The following CFAP69 variants were observed in gnomAD, a reference collection of about 807,000 sequenced individuals.
CFAP69 encodes the protein cilia and flagella associated protein 69.
Under a neutral mutation model 123.0 loss-of-function variants are expected in CFAP69, and 92 were observed. That is an observed-to-expected ratio of 0.75 (90% CI 0.63 to 0.89). CFAP69 has a LOEUF of 0.89. CFAP69 is among the 40% of genes least tolerant of loss of function. CFAP69 has a pLI of 0.00. For missense variants in CFAP69, 1,067 were observed against 1,096.9 expected (o/e 0.97, Z 0.39); for synonymous variants, 380 against 364.3 (o/e 1.04, Z -0.49).
chr7:90,255,025 A>C (rs1797470966), intron 1 of CFAP69, among the ~76,000 whole-genome samples: 1 of 152,194 alleles, frequency 6.6e-6, no homozygotes, highest in Non-Finnish European at 1.5e-5. Flanking sequence ...AGATAAGGGG[A>C]TACCTAGTTG....
chr7:90,256,657 A>T (rs1422686976), intron 2 of CFAP69, among the ~76,000 whole-genome samples: 1 of 152,186 alleles, frequency 6.6e-6, no homozygotes, highest in Non-Finnish European at 1.5e-5. Flanking sequence ...GCTTTTTTAC[A>T]TATAAAGGAG....
At chr7:90,267,507 A>G (rs1410190078) in intron 5 of CFAP69, among the ~76,000 whole-genome samples, 1 of 152,204 alleles carries the variant, frequency 6.6e-6, no homozygotes, top group Admixed American at 6.5e-5. Flanking sequence ...ATAGGACTTC[A>G]ACAGAGTAGA....
At chr7:90,314,514 A>G (rs1056477858), downstream of CFAP69, among the ~76,000 whole-genome samples, 2 of 151,842 alleles carry the variant, frequency 1.3e-5, no homozygotes, top group Non-Finnish European at 2.9e-5. Context: ...CCGTAGTTCC[A>G]GCTATTTGGG....
rs555666031 is a variant in CFAP69 at position 90,307,672 on chromosome 7, C to T, written c.2464-96C>T. 430 of 669,898 alleles carry T rather than the reference C, an allele frequency of 6.4e-4. 1 individual carries two copies. The highest frequency in any genetic ancestry group is 1.0e-3 in the Middle Eastern group (3 of 2,960). 41.5% of individuals were successfully genotyped at this position (669,898 alleles called of 1,614,324 possible). A position where few individuals can be genotyped will look rare whatever the true frequency, so the allele number is the denominator to read the frequency against. On this transcript the variant is annotated intron_variant, in intron 20 of 22. Transcript: ENST00000389297. ...AAGGCAGAGAGATACTTGAGACATG[C>T]CACTGGACTCCAGCCTGGGTGACAG...
At chr7:90,288,824 A>C (rs981760826) in intron 15 of CFAP69, among the ~76,000 whole-genome samples, 1 of 152,044 alleles carries the variant, frequency 6.6e-6, no homozygotes, top group African/African-American at 2.4e-5. Flanking sequence ...TTTAGATTAC[A>C]CTAAACTTAC....
chr7:90,307,378 A>G (rs1301672494), intron 20 of CFAP69, among the ~76,000 whole-genome samples: 1 of 152,180 alleles, frequency 6.6e-6, no homozygotes, highest in Non-Finnish European at 1.5e-5. Flanking sequence ...ATGTACAACT[A>G]TTATATATCA....
At chr7:90,250,218 GA>G in intron 1 of CFAP69, among the ~76,000 whole-genome samples, 1 of 150,996 alleles carries the variant, frequency 6.6e-6, no homozygotes, top group East Asian at 2.0e-4. Flanking sequence ...GAGAGAGAGA[GA>G]GAGAGAGAGA....
chr7:90,300,512 G>A, intron 17 of CFAP69: 1 of 700,770 alleles, frequency 1.4e-6, no homozygotes, highest in Non-Finnish European at 1.8e-6. Context: ...TATGAAAGAA[G>A]ATATTGTTTC....
intron 15 of CFAP69, among the ~76,000 whole-genome samples, chr7:90,295,757 AGCCC>A (rs1791848255): frequency 6.6e-6 from 1 of 152,246 alleles, no homozygotes; most frequent in Admixed American, 6.5e-5. Context: ...TAATCAGAGC[AGCCC>A]TAAGGACTGC....
At chr7:90,278,971 A>G (rs79332785) in intron 11 of CFAP69, among the ~76,000 whole-genome samples, 1 of 152,278 alleles carries the variant, frequency 6.6e-6, no homozygotes, top group African/African-American at 2.4e-5. Flanking sequence ...TAAATATAGC[A>G]TATGGTGTTT....
chr7:90,262,922 A>C (rs1457952905), intron 4 of CFAP69, among the ~76,000 whole-genome samples: 1 of 152,158 alleles, frequency 6.6e-6, no homozygotes, highest in Non-Finnish European at 1.5e-5. Flanking sequence ...TAAAATAACC[A>C]AAATAATATA....
chr7:90,286,068 G>A (rs758559198), intron 13 of CFAP69, among the ~76,000 whole-genome samples: 1 of 152,162 alleles, frequency 6.6e-6, no homozygotes, highest in Non-Finnish European at 1.5e-5. Flanking sequence ...TTGCAAGGCC[G>A]AGGCAGGAGG....
intron 9 of CFAP69, among the ~76,000 whole-genome samples, chr7:90,275,590 CTTTTTTTTT>C (rs57578763): frequency 0.021 from 1,284 of 62,064 alleles, 33 homozygotes; most frequent in South Asian, 0.16. Context: ...GGCCAAAAGC[CTTTTTTTTT>C]TTTTTTTTTT....
chr7:90,245,187 C>A lies in CFAP69; in HGVS notation c.-238C>A. ...GCCCCGCCCCCTAGCAACGCGCTGGCTTGTGTTAACAACCGGCCCGGGATC... is the reference window on the plus strand; with the variant it reads ...GCCCCGCCCCCTAGCAACGCGCTGGATTGTGTTAACAACCGGCCCGGGATC... On this transcript the variant is annotated 5_prime_UTR_variant, in exon 1 of 23. Coordinates refer to ENST00000389297, the MANE Select transcript of CFAP69 (RefSeq NM_001039706.3). 1 of 422,558 alleles carries A rather than the reference C, an allele frequency of 2.4e-6. No homozygotes were observed. 26.2% of individuals were successfully genotyped at this position (422,558 alleles called of 1,614,324 possible). A position where few individuals can be genotyped will look rare whatever the true frequency, so the allele number is the denominator to read the frequency against.
At chr7:90,323,684 A>G in the CFAP69 span, among the ~76,000 whole-genome samples, 1 of 152,180 alleles carries the variant, frequency 6.6e-6, no homozygotes, top group Non-Finnish European at 1.5e-5. Context: ...AACAATCATA[A>G]TAATAGTCTG....
chr7:90,251,030 C>A (rs1050592000), intron 1 of CFAP69, among the ~76,000 whole-genome samples: 3 of 152,108 alleles, frequency 2.0e-5, no homozygotes, highest in Non-Finnish European at 4.4e-5. Context: ...AAGTTACAAT[C>A]TACCTCCAAC....
the CFAP69 span, chr7:90,322,597 A>G: frequency 1.3e-5 from 2 of 152,352 alleles, no homozygotes; most frequent in South Asian, 2.1e-4. Flanking sequence ...GAGTAACCAC[A>G]TAGTTCCTGT....
chr7:90,315,120 T>C (rs1584588260), downstream of CFAP69, among the ~76,000 whole-genome samples: 1 of 147,116 alleles, frequency 6.8e-6, no homozygotes, highest in African/African-American at 2.5e-5. Context: ...GCTGGCGAGG[T>C]TGCAGAGAAA....
intron 17 of CFAP69, 183 bp from the exon 18 acceptor site, chr7:90,303,786 G>A: frequency 8.5e-7 from 1 of 1,179,044 alleles, no homozygotes; most frequent in Non-Finnish European, 1.1e-6. Flanking sequence ...TTTTGCCACA[G>A]AGTGGGGAAG....
Sources: allele counts gnomAD v4.1 joint callset (sites outside exome capture counted in the v4.1 genomes callset), GRCh38; gene constraint gnomAD v4.1.1; transcripts MANE v1.5; gene names NCBI Gene and HGNC (gene_info 2026-07-23, HGNC 2026-07-21).